The following ZNF766 variants were observed in gnomAD, a reference collection of about 807,000 sequenced individuals.
ZNF766 encodes the protein zinc finger protein 766.
In ZNF766, 13 loss-of-function variants were observed where a neutral mutation model predicts 13.2. The observed-to-expected ratio is 0.98, with a 90% CI of 0.64 to 1.56. The LOEUF is 1.56. Among genes scored for constraint, ZNF766 ranks in the 40% most tolerant of loss-of-function variants. ZNF766 has a pLI of 0.00. For synonymous variants in ZNF766, 178 were observed against 187.6 expected, an observed-to-expected ratio of 0.95 and a Z score of 0.42; for missense variants, 521 against 552.2, an observed-to-expected ratio of 0.94 and a Z score of 0.57.
rs190273758 is a variant in ZNF766 at position 52,283,221 on chromosome 19, C to T, written c.146-64C>T. ...TAATTTTTAATATCATCTCTGCTGC[C>T]TAAACAGAGGGCTTGGATTTTGGAG... On this transcript the variant is annotated intron_variant, in intron 2 of 3. Transcript: ENST00000439461. 10 of 1,562,196 alleles carry T rather than the reference C, an allele frequency of 6.4e-6. No individual in the cohort carries two copies. The Admixed American group carries it at 1.4e-4, about 21-fold the overall frequency.
intron 1 of ZNF766, among the ~76,000 whole-genome samples, chr19:52,279,693 A>G (rs920509156): frequency 6.6e-6 from 1 of 151,494 alleles, no homozygotes; most frequent in African/African-American, 2.4e-5. Flanking sequence ...AAGACCTCAC[A>G]TAAATTTTAA....
Position 52,282,127 on chromosome 19 carries a change from G to C in ZNF766, c.35G>C (p.Arg12Thr). ...AQLRRGHLTF[R>T]DVAIEFSQEE... ...TTATTTTAGGGACACTTGACATTCA[G>C]GGACGTGGCCATAGAATTCTCTCAG... The change falls in exon 2 of 4, where the codon AGG becomes ACG. Residue 12 changes from arginine to threonine, a missense_variant. Arg to Thr is a moderately conservative substitution (Grantham distance 71, BLOSUM62 -1). Coordinates refer to ENST00000439461, the MANE Select transcript of ZNF766 (RefSeq NM_001010851.3). 1 of 1,603,530 alleles carries C rather than the reference G, an allele frequency of 6.2e-7. No homozygotes were observed. Among genetic ancestry groups the C allele is most frequent in the Admixed American group, 1.7e-5 (1 of 59,580 alleles).
chr19:52,277,356 G>A, intron 1 of ZNF766: 1 of 1,028,630 alleles, frequency 9.7e-7, no homozygotes, highest in East Asian at 2.7e-5. Flanking sequence ...CTACTCAGGA[G>A]GCTGAGGCAG....
At chr19:52,281,806 T>TA (rs1981535765) in intron 1 of ZNF766, 1 of 522,354 alleles carries the variant, frequency 1.9e-6, no homozygotes, top group African/African-American at 1.9e-5. Context: ...CACCAAGTGA[T>TA]ATTCATTGTC....
intron 3 of ZNF766, among the ~76,000 whole-genome samples, chr19:52,289,633 G>C (rs1321831151): frequency 3.3e-5 from 5 of 152,146 alleles, no homozygotes; most frequent in Non-Finnish European, 7.3e-5. Context: ...TCCACTGCCA[G>C]TGTGATACTA....
intron 1 of ZNF766, chr19:52,277,126 C>T (rs2083568518): frequency 1.9e-6 from 2 of 1,051,420 alleles, no homozygotes; most frequent in African/African-American, 1.7e-5. Context: ...TGATTCTAAA[C>T]CCTAAACAGC....
chr19:52,289,897 A>G (rs1982030788), intron 3 of ZNF766, among the ~76,000 whole-genome samples, 169 bp from the exon 4 acceptor site: 1 of 152,154 alleles, frequency 6.6e-6, no homozygotes, highest in Non-Finnish European at 1.5e-5. Context: ...GCTACTTGGG[A>G]GGCTGAGGCA....
At position 52,290,067 on chromosome 19, in the gene ZNF766, G is replaced by C. The variant is rs1332378899; in HGVS notation, c.276G>C (p.Gly92=). ...RWEGIKDINT[G]RSCAVRSKAG... is the part of the protein sequence containing the mutation. ...TATACTCTTTACTTGCTTTCCTAGGGAGGAGCTGTGCAGTGAGAAGCAAAG... is the reference window on the plus strand; with the variant it reads ...TATACTCTTTACTTGCTTTCCTAGGCAGGAGCTGTGCAGTGAGAAGCAAAG... The change falls in exon 4 of 4, where the codon GGG becomes GGC. Residue 92 remains glycine, a splice_region_variant and synonymous_variant. Transcript: ENST00000439461. The C allele has an allele frequency of 3.1e-6, 5 of 1,598,036 alleles. No homozygotes were observed. Among genetic ancestry groups the C allele is most frequent in the Non-Finnish European group, 4.3e-6 (5 of 1,172,072 alleles).
At chr19:52,269,738 C>G (rs543974710) in intron 1 of ZNF766, 107 bp downstream of exon 1, 3 of 1,389,490 alleles carry the variant, frequency 2.2e-6, no homozygotes, top group Non-Finnish European at 2.9e-6. Flanking sequence ...GCACCGCTCT[C>G]TCCACCCCGA....
At chr19:52,277,541 G>A in intron 1 of ZNF766, 1 of 1,571,708 alleles carries the variant, frequency 6.4e-7, no homozygotes, top group Non-Finnish European at 8.6e-7. Flanking sequence ...CACTTACTCA[G>A]GTAAAGTGAT....
At position 52,291,127 on chromosome 19, in the gene ZNF766, A is replaced by G; in HGVS notation, c.1336A>G (p.Lys446Glu). The change falls in exon 4 of 4, where the codon AAG becomes GAG. Residue 446 changes from lysine (K) to glutamate (E), a missense_variant. Coordinates refer to ENST00000439461, the MANE Select transcript of ZNF766 (RefSeq NM_001010851.3). The stretch of plus-strand genomic sequence containing the variant: ...ACCTTACAAATGCCATGTGTGTGGT[A>G]AGGTCTTTAGGCACAGTTCATGGTT... ...EKPYKCHVCG[K>E]VFRHSSWFVQ... 6.2e-7 allele frequency: 1 copy of G among 1,613,776 alleles called. No homozygotes were observed. Among genetic ancestry groups the G allele is most frequent in the South Asian group, 1.1e-5 (1 of 91,044 alleles).
rs1228998974 is a variant in ZNF766 at position 52,292,082 on chromosome 19, A to C, written c.*884A>C. The stretch of plus-strand genomic sequence containing the variant: ...ACAGAGCGAGACCCTGTCTCAAAAG[A>C]AAAAAAAGGCTAGTTTTTATGACTT... On this transcript the variant is annotated 3_prime_UTR_variant, in exon 4 of 4. Transcript: ENST00000439461. 1 of 692,304 alleles carries C rather than the reference A, an allele frequency of 1.4e-6. No homozygotes were observed. 42.9% of individuals were successfully genotyped at this position (692,304 alleles called of 1,614,324 possible). A position where few individuals can be genotyped will look rare whatever the true frequency, so the allele number is the denominator to read the frequency against.
intron 3 of ZNF766, among the ~76,000 whole-genome samples, chr19:52,286,412 A>G (rs1310771610): frequency 4.7e-5 from 7 of 150,298 alleles, no homozygotes; most frequent in Admixed American, 4.0e-4. Context: ...GGCTCAAACA[A>G]TCCTCTCACC....
At chr19:52,277,595 C>T (rs968438234) in intron 1 of ZNF766, 41 of 1,521,880 alleles carry the variant, frequency 2.7e-5, no homozygotes, top group Middle Eastern at 3.4e-4. Context: ...CCTGAAATGC[C>T]GGGTGCTGGA....
intron 1 of ZNF766, among the ~76,000 whole-genome samples, chr19:52,278,200 T>C (rs1447960907): frequency 6.6e-6 from 1 of 151,840 alleles, no homozygotes; most frequent in Non-Finnish European, 1.5e-5. Context: ...CCTCCCAAAG[T>C]GTTGGGATTA....
intron 1 of ZNF766, among the ~76,000 whole-genome samples, chr19:52,273,097 C>T (rs1348408515): frequency 6.6e-6 from 1 of 152,080 alleles, no homozygotes; most frequent in Non-Finnish European, 1.5e-5. Flanking sequence ...TAACCTCTGC[C>T]TCCCGGGTTC....
chr19:52,273,175 ATTGT>A (rs1981049459), intron 1 of ZNF766, among the ~76,000 whole-genome samples: 1 of 151,732 alleles, frequency 6.6e-6, no homozygotes, highest in South Asian at 2.1e-4. Context: ...CGCCCAACTA[ATTGT>A]TTGCATTTTT....
In ZNF766 at chr19:52,291,392, G is replaced by A; in HGVS notation, c.*194G>A. ...TGCCAAGGCCAACAAGTCAAAATAT[G>A]TTGAACCTAATGATATGATGTGTAT... On this transcript the variant is annotated 3_prime_UTR_variant, in exon 4 of 4. Coordinates refer to ENST00000439461, the MANE Select transcript of ZNF766 (RefSeq NM_001010851.3). The A allele has an allele frequency of 1.8e-6, 1 of 571,136 alleles. No individual in the cohort carries two copies. The highest frequency in any genetic ancestry group is 2.9e-5 in the East Asian group (1 of 34,670). 35.4% of individuals were successfully genotyped at this position (571,136 alleles called of 1,614,324 possible).
Position 52,292,291 on chromosome 19 carries a change from G to A in ZNF766, c.*1093G>A, listed in dbSNP as rs1982185937. The A allele has an allele frequency of 1.2e-5, 8 of 664,978 alleles. No homozygotes were observed. In the Admixed American group the frequency reaches 1.9e-4, roughly 16 times the overall value. 41.2% of individuals were successfully genotyped at this position (664,978 alleles called of 1,614,324 possible). ...ATTGTCTGATTTAGAGACCATGGAG[G>A]TGGACAGAGAATAACAAAACCGTGA... is the stretch of plus-strand genomic sequence containing the variant. On this transcript the variant is annotated 3_prime_UTR_variant, in exon 4 of 4. Transcript: ENST00000439461.
Sources: gnomAD v4.1 joint callset for allele counts (sites outside exome capture counted in the v4.1 genomes callset) on GRCh38, gnomAD v4.1.1 for gene constraint, MANE v1.5 for transcripts, NCBI Gene and HGNC (gene_info 2026-07-23, HGNC 2026-07-21) for gene names.